Variants in PRPSAP2 observed in about 807,000 individuals in gnomAD.
PRPSAP2 encodes phosphoribosyl pyrophosphate synthetase associated protein 2.
Under a neutral mutation model 40.6 loss-of-function variants are expected in PRPSAP2, and 24 were observed. That is an observed-to-expected ratio of 0.59 (90% confidence interval 0.43 to 0.83). The LOEUF (loss-of-function observed/expected upper bound fraction) is 0.83, where lower values mean the gene tolerates loss of function less well. Among genes scored for constraint, PRPSAP2 ranks in the 40% least tolerant of loss-of-function variants. The probability of loss-of-function intolerance (pLI) is 0.00; values close to 1 mark genes in which losing one functional copy is unlikely to be tolerated. For synonymous variants in PRPSAP2, 149 were observed against 164.7 expected (o/e 0.90, Z 0.73); for missense variants, 292 against 465.6 (o/e 0.63, Z 3.43).
At chr17:18,866,069 TTA>T in intron 3 of PRPSAP2, 117 bp downstream of exon 3, 2 of 699,416 alleles carry the variant, frequency 2.9e-6, no homozygotes, top group South Asian at 7.0e-5. Context: ...TATAAAATAA[TTA>T]TATCTTTTTT....
At chr17:18,919,787 C>T (rs2041588919) in intron 9 of PRPSAP2, among the ~76,000 whole-genome samples, 1 of 152,168 alleles carries the variant, frequency 6.6e-6, no homozygotes, top group Non-Finnish European at 1.5e-5. Context: ...AAGCGACTTC[C>T]CTGCAGTCAC....
intron 5 of PRPSAP2, among the ~76,000 whole-genome samples, chr17:18,873,872 AG>A (rs1429064111): frequency 2.6e-5 from 4 of 151,580 alleles, no homozygotes; most frequent in Admixed American, 6.6e-5. Context: ...TCTGGAAGGG[AG>A]GGTGATCACC....
At chr17:18,885,734 T>C (rs1434487259) in intron 7 of PRPSAP2, among the ~76,000 whole-genome samples, 1 of 152,076 alleles carries the variant, frequency 6.6e-6, no homozygotes, top group Non-Finnish European at 1.5e-5. Flanking sequence ...GTTACAGGCA[T>C]GTGCCACCAC....
rs902187650 is a variant in PRPSAP2 at position 18,886,743 on chromosome 17, A to G, written c.529-3079A>G. On this transcript the variant is annotated intron_variant, in intron 7 of 11. Transcript: ENST00000268835. ...GGGGATGTGTCAGGCAGTCCTTTTC[A>G]CAGTTTGACCTACTGGTAGGGATCT... is the stretch of plus-strand genomic sequence containing the variant. Among the ~76,000 whole-genome samples, 3 of 151,998 alleles carry G rather than the reference A, an allele frequency of 2.0e-5. No homozygotes were observed. In the South Asian group the frequency reaches 6.2e-4, roughly 32 times the overall value.
chr17:18,889,538 C>G (rs938095011), intron 7 of PRPSAP2, among the ~76,000 whole-genome samples: 1 of 152,058 alleles, frequency 6.6e-6, no homozygotes, highest in Admixed American at 6.6e-5. Flanking sequence ...TTCTTGTTGA[C>G]GAGATATATA....
chr17:18,920,631 C>T (rs1025417266), intron 9 of PRPSAP2, among the ~76,000 whole-genome samples: 9 of 151,826 alleles, frequency 5.9e-5, no homozygotes, highest in South Asian at 2.1e-4. Context: ...TGTAGCATCT[C>T]GAATATAAAG....
intron 9 of PRPSAP2, among the ~76,000 whole-genome samples, chr17:18,921,247 A>G (rs978705522): frequency 2.7e-5 from 4 of 146,236 alleles, no homozygotes; most frequent in African/African-American, 1.1e-4. Flanking sequence ...ATATATGTGG[A>G]TAAAACACTT....
chr17:18,881,515 G>T (rs1414083775), intron 6 of PRPSAP2, among the ~76,000 whole-genome samples: 2 of 152,086 alleles, frequency 1.3e-5, no homozygotes, highest in Non-Finnish European at 2.9e-5. Flanking sequence ...TGGGATTACA[G>T]GCGTGAGCCA....
chr17:18,908,000 G>A (rs1165333769), intron 8 of PRPSAP2, among the ~76,000 whole-genome samples: 3 of 152,042 alleles, frequency 2.0e-5, no homozygotes, highest in East Asian at 1.9e-4. Context: ...TTAGCCGAGC[G>A]TGGTGGCACA....
chr17:18,858,721 T>C (rs935117739), intron 1 of PRPSAP2: 2 of 152,096 alleles, frequency 1.3e-5, no homozygotes, highest in Admixed American at 6.5e-5. Context: ...CCAGCAGAGA[T>C]TGAGGGGGAA....
intron 1 of PRPSAP2, among the ~76,000 whole-genome samples, chr17:18,862,497 T>A (rs2151875497): frequency 6.6e-6 from 1 of 152,140 alleles, no homozygotes; most frequent in East Asian, 1.9e-4. Context: ...ACTTATATGG[T>A]AGATAATCAA....
At chr17:18,857,035 C>G (rs914875666), upstream of PRPSAP2, among the ~76,000 whole-genome samples, 1 of 152,026 alleles carries the variant, frequency 6.6e-6, no homozygotes, top group Non-Finnish European at 1.5e-5. Flanking sequence ...AGGCAAATAA[C>G]GATAATAACT....
Position 18,911,844 on chromosome 17 carries a change from C to T in PRPSAP2, c.733+593C>T, listed in dbSNP as rs573617919. ...TAATATAAACAACAAATTTATTGCT[C>T]ACAGTTCTAGAGGCTGTGAAGGTCA... is the stretch of plus-strand genomic sequence containing the variant. On this transcript the variant is annotated intron_variant, in intron 9 of 11. Coordinates refer to ENST00000268835, the MANE Select transcript of PRPSAP2 (RefSeq NM_002767.4). This position sits in a 1 kb window ranked among gnomAD's most constrained non-coding sequence, Gnocchi z 4.5. 1.3e-5 allele frequency among the ~76,000 whole-genome samples: 2 copies of T among 152,338 alleles called. No individual in the cohort carries two copies. The highest frequency in any genetic ancestry group is 4.1e-4 in the South Asian group (2 of 4,830).
At chr17:18,868,840 A>C (rs1427493057) in intron 4 of PRPSAP2, among the ~76,000 whole-genome samples, 1 of 151,690 alleles carries the variant, frequency 6.6e-6, no homozygotes, top group East Asian at 1.9e-4. Context: ...TACAGGTGTG[A>C]GCCACCAGGC....
intron 9 of PRPSAP2, among the ~76,000 whole-genome samples, chr17:18,921,638 G>C (rs2041695609): frequency 6.6e-6 from 1 of 152,096 alleles, no homozygotes; most frequent in Admixed American, 6.6e-5. Context: ...TTGATTGTCA[G>C]AATCAAGGGG....
At chr17:18,913,262 G>C (rs1403309676) in intron 9 of PRPSAP2, among the ~76,000 whole-genome samples, 1 of 152,192 alleles carries the variant, frequency 6.6e-6, no homozygotes, top group Non-Finnish European at 1.5e-5. Context: ...TGCCCCCACA[G>C]CTCATTCACT....
At chr17:18,929,182 C>T (rs1466180117) in intron 11 of PRPSAP2, among the ~76,000 whole-genome samples, 1 of 152,094 alleles carries the variant, frequency 6.6e-6, no homozygotes, top group East Asian at 1.9e-4. Context: ...CAGGGTGAAA[C>T]CCCGTCTCTA....
intron 10 of PRPSAP2, among the ~76,000 whole-genome samples, chr17:18,925,962 G>A (rs539492713): frequency 3.3e-5 from 5 of 152,082 alleles, no homozygotes; most frequent in Non-Finnish European, 5.9e-5. Context: ...AAAATTAGCC[G>A]GGCGTAGTGG....
intron 5 of PRPSAP2, among the ~76,000 whole-genome samples, chr17:18,875,608 A>G (rs1337218991): frequency 6.6e-6 from 1 of 151,736 alleles, no homozygotes; most frequent in East Asian, 1.9e-4. Flanking sequence ...TTACACCTAT[A>G]ATCCCAGAGC....
Sources: allele counts gnomAD v4.1 joint callset (sites outside exome capture counted in the v4.1 genomes callset), GRCh38; gene constraint gnomAD v4.1.1; non-coding constraint Gnocchi (gnomAD v3.1); transcripts MANE v1.5; gene names NCBI Gene and HGNC (gene_info 2026-07-23, HGNC 2026-07-21).